The following POC5 variants were observed in gnomAD, a reference collection of about 807,000 sequenced individuals.
POC5 encodes POC5 centriolar protein.
POC5 carries 48 observed loss-of-function variants against 62.9 expected under a neutral mutation model. The observed-to-expected ratio is 0.76, with a 90% CI of 0.61 to 0.97. The LOEUF (loss-of-function observed/expected upper bound fraction) is 0.97, where lower values mean the gene tolerates loss of function less well. Ranked by LOEUF, POC5 falls within the 50% of genes least tolerant of loss-of-function variation. The pLI is 0.00. For synonymous variants in POC5, 236 were observed against 228.2 expected, an observed-to-expected ratio of 1.03 and a Z score of -0.31; for missense variants, 696 against 679.5, an observed-to-expected ratio of 1.02 and a Z score of -0.27.
chr5:75,708,697 A>G (rs1417657198), intron 2 of POC5, among the ~76,000 whole-genome samples: 1 of 152,166 alleles, frequency 6.6e-6, no homozygotes, highest in Non-Finnish European at 1.5e-5. Context: ...GCTTTTTTAT[A>G]TCGGAATTTT....
intron 10 of POC5, among the ~76,000 whole-genome samples, chr5:75,683,802 C>T (rs947988719): frequency 3.3e-5 from 5 of 151,846 alleles, no homozygotes; most frequent in African/African-American, 1.2e-4. Flanking sequence ...CTCTTGGGCT[C>T]AAGCGATCCT....
In POC5 at chr5:75,685,243, A is replaced by G. The variant is rs1363942190; in HGVS notation, c.1371T>C (p.Gly457=). The G allele has an allele frequency of 3.7e-6, 6 of 1,613,866 alleles. No individual in the cohort carries two copies. The Admixed American group carries it at 5.0e-5, about 13-fold the overall frequency. Residue 457 remains glycine (G), a synonymous_variant, in exon 10 of 12, where the codon GGT becomes GGC. Coordinates refer to ENST00000428202, the MANE Select transcript of POC5 (RefSeq NM_001099271.2). ...SSVHVPVSAL[G]AGSAATAASE... is the part of the protein sequence containing the mutation. ...ATGCAGCAGTAGCTGCAGATCCTGCACCAAGAGCAGAAACAGGAACGTGAA... is the reference window on the plus strand; with the variant it reads ...ATGCAGCAGTAGCTGCAGATCCTGCGCCAAGAGCAGAAACAGGAACGTGAA...
intron 10 of POC5, among the ~76,000 whole-genome samples, chr5:75,681,872 T>C (rs1311658207): frequency 1.3e-5 from 2 of 152,192 alleles, no homozygotes; most frequent in East Asian, 3.8e-4. Context: ...TTCCCAACAA[T>C]GATGGTTTCA....
intron 1 of POC5, among the ~76,000 whole-genome samples, chr5:75,715,310 A>C (rs1223044981): frequency 1.4e-4 from 14 of 100,782 alleles, no homozygotes. Context: ...ACTCCGTCTC[A>C]AAAAAAAAAA....
chr5:75,677,738 G>T (rs781167168), intron 11 of POC5, 36 bp downstream of exon 11: 6 of 1,497,930 alleles, frequency 4.0e-6, no homozygotes, highest in Non-Finnish European at 4.5e-6. Context: ...TCAGGAAAAA[G>T]ACTTTTTGAC....
intron 10 of POC5, among the ~76,000 whole-genome samples, chr5:75,684,606 G>A (rs961988348): frequency 6.6e-5 from 10 of 151,656 alleles, no homozygotes; most frequent in Admixed American, 4.6e-4. Flanking sequence ...CAGGTGATCC[G>A]CCCACCTCGG....
intron 10 of POC5, among the ~76,000 whole-genome samples, chr5:75,682,072 T>C (rs1254200635): frequency 6.6e-6 from 1 of 152,226 alleles, no homozygotes; most frequent in Admixed American, 6.5e-5. Flanking sequence ...CACTTACTTA[T>C]GTGACTGAAA....
At chr5:75,706,265 T>C (rs1777117534) in intron 3 of POC5, among the ~76,000 whole-genome samples, 1 of 152,202 alleles carries the variant, frequency 6.6e-6, no homozygotes, top group Admixed American at 6.5e-5. Context: ...GAATGACTGT[T>C]AGAGGCTTAC....
intron 3 of POC5, among the ~76,000 whole-genome samples, chr5:75,707,114 AAGAACATTTATTT>A (rs1777152612): frequency 6.6e-6 from 1 of 152,154 alleles, no homozygotes; most frequent in Non-Finnish European, 1.5e-5. Flanking sequence ...TGCCCTTTGA[AAGAACATTTATTT>A]AGAGTTTGGG....
At chr5:75,707,931 T>G in intron 2 of POC5, 56 bp from the exon 3 acceptor site, 1 of 1,415,422 alleles carries the variant, frequency 7.1e-7, no homozygotes, top group Non-Finnish European at 9.5e-7. Flanking sequence ...TTATAATATA[T>G]TCAACTGAAT....
At chr5:75,689,267 TAA>T (rs1776220351) in intron 8 of POC5, 102 bp from the exon 9 acceptor site, 1 of 1,384,912 alleles carries the variant, frequency 7.2e-7, no homozygotes, top group Non-Finnish European at 9.3e-7. Flanking sequence ...TGTGAAATAT[TAA>T]AAAGTTTGTC....
chr5:75,708,183 A>C (rs1393494551), intron 2 of POC5, among the ~76,000 whole-genome samples: 3 of 152,036 alleles, frequency 2.0e-5, no homozygotes, highest in Non-Finnish European at 4.4e-5. Flanking sequence ...CTCTACAATA[A>C]ATTTTTTACA....
chr5:75,717,113 C>A (rs1359950599), intron 1 of POC5, among the ~76,000 whole-genome samples, 193 bp downstream of exon 1: 2 of 152,236 alleles, frequency 1.3e-5, no homozygotes, highest in Admixed American at 6.5e-5. Context: ...GCATCCCTCA[C>A]TCCTGCTCAC....
chr5:75,697,313 C>A (rs4703680), intron 5 of POC5, among the ~76,000 whole-genome samples: 1 of 151,742 alleles, frequency 6.6e-6, no homozygotes, highest in African/African-American at 2.4e-5. Flanking sequence ...AGAGAAAGGT[C>A]GGGTTACCCT....
rs200521900 is a variant in POC5, at chr5:75,715,067, CT to C, written c.-14-2117del. Among the ~76,000 whole-genome samples, 1,441 of 152,010 alleles carry C rather than the reference CT, an allele frequency of 9.5e-3. 26 individuals carry two copies. The highest frequency in any genetic ancestry group is 0.033 in the African/African-American group (1,377 of 41,380). ...GTGGCTCATGCCTGCAATCCCAGCA[CT>C]TTGGGAGGCTGAGGTGGGAGGATTA... On this transcript the variant is annotated intron_variant, in intron 1 of 11. Coordinates refer to ENST00000428202, the MANE Select transcript of POC5 (RefSeq NM_001099271.2).
Position 75,705,803 on chromosome 5 carries a change from C to A in POC5, c.224-16G>T. ...GAGTTATTTCCTGCCAAAAAGAAAGCTTTTTAAAATTAAACTGAACCACTC... is the reference window on the plus strand; with the variant it reads ...GAGTTATTTCCTGCCAAAAAGAAAGATTTTTAAAATTAAACTGAACCACTC... On this transcript the variant is annotated splice_polypyrimidine_tract_variant and intron_variant, in intron 3 of 11. Coordinates refer to ENST00000428202, the MANE Select transcript of POC5 (RefSeq NM_001099271.2). 6.7e-7 allele frequency: 1 copy of A among 1,496,046 alleles called. No homozygotes were observed. Among genetic ancestry groups the A allele is most frequent in the South Asian group, 1.3e-5 (1 of 77,302 alleles). The allele number at this position is 1,496,046 out of a possible 1,614,324, so 92.7% of individuals were successfully genotyped here.
intron 5 of POC5, among the ~76,000 whole-genome samples, chr5:75,697,154 T>A (rs530103605): frequency 6.6e-5 from 10 of 152,282 alleles, no homozygotes; most frequent in Admixed American, 5.9e-4. Context: ...CCAGGAGAAC[T>A]TCCCTAATCT....
At chr5:75,709,160 C>T (rs549585346) in intron 2 of POC5, among the ~76,000 whole-genome samples, 9 of 152,210 alleles carry the variant, frequency 5.9e-5, no homozygotes, top group South Asian at 4.1e-4. Context: ...GATACTTACA[C>T]GCAGTAAACA....
In POC5 at chr5:75,688,531, A is replaced by G. The variant is rs148905256; in HGVS notation, c.1129+481T>C. Among the ~76,000 whole-genome samples the G allele has an allele frequency of 2.0e-5, 3 of 152,310 alleles. No homozygotes were observed. In the East Asian group the frequency reaches 5.8e-4, roughly 29 times the overall value. Reference sequence around the variant, plus strand: ...AAAAAATAAAATTACTTCTATAGATAGGTCTATATTTATGTTTGCTGCAAT... The same window carrying G: ...AAAAAATAAAATTACTTCTATAGATGGGTCTATATTTATGTTTGCTGCAAT... On this transcript the variant is annotated intron_variant, in intron 9 of 11. Coordinates refer to ENST00000428202, the MANE Select transcript of POC5 (RefSeq NM_001099271.2).
Sources: gnomAD v4.1 joint callset for allele counts (sites outside exome capture counted in the v4.1 genomes callset) on GRCh38, gnomAD v4.1.1 for gene constraint, MANE v1.5 for transcripts, NCBI Gene and HGNC (gene_info 2026-07-23, HGNC 2026-07-21) for gene names.